The following KDM4C variants were observed in gnomAD, a reference collection of about 807,000 sequenced individuals.
KDM4C encodes the protein lysine-specific demethylase 4C.
In KDM4C, 81 loss-of-function variants were observed where a neutral mutation model predicts 129.3. That is an observed-to-expected ratio of 0.63 (90% CI 0.52 to 0.75). The LOEUF (loss-of-function observed/expected upper bound fraction) is 0.75, where lower values mean the gene tolerates loss of function less well. Ranked by LOEUF, KDM4C falls within the 30% of genes least tolerant of loss-of-function variation. The probability of loss-of-function intolerance (pLI) is 0.00; values close to 1 mark genes in which losing one functional copy is unlikely to be tolerated. For missense variants in KDM4C, 1,457 were observed against 1,304.0 expected (o/e 1.12, Z -1.81); for synonymous variants, 573 against 456.1 (o/e 1.26, Z -3.26).
chr9:6,915,484 G>T (rs1470644481), intron 8 of KDM4C, among the ~76,000 whole-genome samples: 1 of 152,176 alleles, frequency 6.6e-6, no homozygotes, highest in Non-Finnish European at 1.5e-5. Flanking sequence ...ATTCAAAAGA[G>T]ATAAAATGAT....
chr9:7,157,456 T>G (rs1406769944), intron 19 of KDM4C, among the ~76,000 whole-genome samples: 2 of 152,158 alleles, frequency 1.3e-5, no homozygotes, highest in Admixed American at 6.5e-5. Context: ...ATGCTTCCAG[T>G]TTTTGTCCAT....
At chr9:6,827,764 CAG>C (rs1176600284) in intron 4 of KDM4C, among the ~76,000 whole-genome samples, 1 of 152,164 alleles carries the variant, frequency 6.6e-6, no homozygotes, top group South Asian at 2.1e-4. Flanking sequence ...GGTTTTGACG[CAG>C]AGAGAGAGCT....
chr9:7,158,562 G>A (rs909721400), intron 19 of KDM4C, among the ~76,000 whole-genome samples: 5 of 152,114 alleles, frequency 3.3e-5, no homozygotes, highest in Non-Finnish European at 7.4e-5. Flanking sequence ...ACTGGTTTCA[G>A]AGAACATCTT....
At chr9:6,986,979 T>G in intron 11 of KDM4C, 1 of 252,740 alleles carries the variant, frequency 4.0e-6, no homozygotes, top group Non-Finnish European at 7.6e-6. Flanking sequence ...TAGTGCACAG[T>G]GATTCTTTGT....
chr9:6,763,062 G>A (rs951996927), intron 1 of KDM4C, among the ~76,000 whole-genome samples: 17 of 152,138 alleles, frequency 1.1e-4, no homozygotes, highest in African/African-American at 4.1e-4. Flanking sequence ...GGTAGAGGGG[G>A]CGTGGTTACG....
chr9:6,889,647 G>C (rs1173662107), intron 7 of KDM4C, among the ~76,000 whole-genome samples: 1 of 152,162 alleles, frequency 6.6e-6, no homozygotes, highest in African/African-American at 2.4e-5. Context: ...TTAAGTAGTT[G>C]GCATCAGCTT....
intron 15 of KDM4C, among the ~76,000 whole-genome samples, chr9:7,017,642 C>T (rs188078636): frequency 1.4e-4 from 21 of 152,234 alleles, no homozygotes; most frequent in Admixed American, 9.2e-4. Flanking sequence ...TTGAAAGTGA[C>T]GAACAATCAG....
chr9:7,064,086 C>G (rs914467201), intron 17 of KDM4C, among the ~76,000 whole-genome samples: 1 of 152,170 alleles, frequency 6.6e-6, no homozygotes, highest in African/African-American at 2.4e-5. Context: ...TGTGTAAAAT[C>G]TGAAGCAGCT....
chr9:6,735,167 C>G, intron 1 of KDM4C: 2 of 221,376 alleles, frequency 9.0e-6, no homozygotes, highest in Non-Finnish European at 1.8e-5. Context: ...CCCCAGCATC[C>G]CATCAAACTG....
chr9:6,770,506 A>G (rs1227802041), intron 1 of KDM4C, among the ~76,000 whole-genome samples: 1 of 151,870 alleles, frequency 6.6e-6, no homozygotes, highest in African/African-American at 2.4e-5. Context: ...ATCAACAAAT[A>G]CTTTTCCAAG....
chr9:7,158,855 G>A (rs1843473939), intron 19 of KDM4C, among the ~76,000 whole-genome samples: 1 of 152,124 alleles, frequency 6.6e-6, no homozygotes, highest in African/African-American at 2.4e-5. Context: ...TGTCTTTTAG[G>A]TCTGCTTGGT....
intron 11 of KDM4C, among the ~76,000 whole-genome samples, chr9:6,988,294 G>A (rs1411752770): frequency 2.6e-5 from 4 of 151,896 alleles, no homozygotes; most frequent in Non-Finnish European, 5.9e-5. Context: ...TATTTTTAGC[G>A]ACCTTCTTTA....
chr9:7,103,595 T>TTTTCTCTAGTAG, intron 17 of KDM4C, 90 bp from the exon 18 acceptor site: 1 of 953,018 alleles, frequency 1.0e-6, no homozygotes. Flanking sequence ...TTTTTTTTTT[T>TTTTCTCTAGTAG]CTTCTCTAGT....
intron 1 of KDM4C, chr9:6,734,609 C>T: frequency 4.0e-6 from 1 of 249,840 alleles, no homozygotes; most frequent in Non-Finnish European, 7.8e-6. Flanking sequence ...TCCTCTGTTT[C>T]TTGCCCTTTA....
At chr9:6,939,074 T>A (rs905269050) in intron 8 of KDM4C, among the ~76,000 whole-genome samples, 1 of 151,452 alleles carries the variant, frequency 6.6e-6, no homozygotes, top group African/African-American at 2.4e-5. Context: ...TGTGGCCCAG[T>A]TCCTAACAGG....
chr9:6,867,747 T>C (rs1366200939), intron 5 of KDM4C, among the ~76,000 whole-genome samples: 1 of 152,222 alleles, frequency 6.6e-6, no homozygotes, highest in Non-Finnish European at 1.5e-5. Flanking sequence ...GTGTCAATAA[T>C]ACCATGAACA....
At chr9:6,919,831 C>A (rs941014735) in intron 8 of KDM4C, among the ~76,000 whole-genome samples, 1 of 151,740 alleles carries the variant, frequency 6.6e-6, no homozygotes, top group Non-Finnish European at 1.5e-5. Flanking sequence ...TGCCTTGGCC[C>A]CCCAAAGTGC....
rs1161157284 is a variant in KDM4C at position 7,174,800 on chromosome 9, G to A, written c.*71G>A. On this transcript the variant is annotated 3_prime_UTR_variant, in exon 22 of 22. Coordinates refer to ENST00000381309, the MANE Select transcript of KDM4C (RefSeq NM_015061.6). ...GAGAAGATGAAGGGACATCCTTGGGGCTGTGCCGTGAGTTTTGCTGGCATA... is the reference window on the plus strand; with the variant it reads ...GAGAAGATGAAGGGACATCCTTGGGACTGTGCCGTGAGTTTTGCTGGCATA... 1 of 1,379,066 alleles carries A rather than the reference G, an allele frequency of 7.3e-7. No individual in the cohort carries two copies. Among genetic ancestry groups the A allele is most frequent in the African/African-American group, 1.4e-5 (1 of 70,054 alleles). 85.4% of individuals were successfully genotyped at this position (1,379,066 alleles called of 1,614,324 possible). A position where few individuals can be genotyped will look rare whatever the true frequency, so the allele number is the denominator to read the frequency against.
chr9:7,028,411 A>T (rs1826155596), intron 15 of KDM4C, among the ~76,000 whole-genome samples: 1 of 151,802 alleles, frequency 6.6e-6, no homozygotes. Flanking sequence ...TGGAGCCTTC[A>T]TGACTCTGCC....
Sources: gnomAD v4.1 joint callset for allele counts (sites outside exome capture counted in the v4.1 genomes callset) on GRCh38, gnomAD v4.1.1 for gene constraint, MANE v1.5 for transcripts, NCBI Gene and HGNC (gene_info 2026-07-23, HGNC 2026-07-21) for gene names.